The following KRT86 variants were observed in gnomAD, a reference collection of about 807,000 sequenced individuals.
KRT86 encodes the protein keratin 86.
KRT86 carries 30 observed loss-of-function variants against 41.2 expected under a neutral mutation model. The observed-to-expected ratio is 0.73, with a 90% CI of 0.54 to 0.99. The LOEUF (loss-of-function observed/expected upper bound fraction) is 0.99. Among genes scored for constraint, KRT86 ranks in the 50% least tolerant of loss-of-function variants. The pLI is 0.00. For missense variants in KRT86, 561 were observed against 571.4 expected (o/e 0.98, Z 0.19); for synonymous variants, 238 against 238.1 (o/e 1.00, Z 0.00).
Position 52,289,058 on chromosome 12 carries a change from GA to G in KRT86, c.-4-12854del, listed in dbSNP as rs1299869602. 2.8e-5 allele frequency among the ~76,000 whole-genome samples: 3 copies of G among 107,926 alleles called. No individual in the cohort carries two copies. In the East Asian group the frequency reaches 7.8e-4, roughly 28 times the overall value. 70.8% of individuals were successfully genotyped at this position (107,926 alleles called of 152,430 possible). A position where few individuals can be genotyped will look rare whatever the true frequency, so the allele number is the denominator to read the frequency against. On this transcript the variant is annotated intron_variant, in intron 2 of 10. Transcript: ENST00000423955. ...GTCATTGCCCTTTGTCAAGGCCCTG[GA>G]TGCTCAATACAAAGGCCTGCATCTG...
chr12:52,287,703 T>C (rs774124770), intron 2 of KRT86: 5 of 1,614,058 alleles, frequency 3.1e-6, no homozygotes. Context: ...CTGATCACCG[T>C]GGCCTTCATC....
Position 52,308,190 on chromosome 12 carries a change from C to A in KRT86, c.1248-43C>A, listed in dbSNP as rs199724643. On this transcript the variant is annotated intron_variant, in intron 9 of 10. Coordinates refer to ENST00000423955, the MANE Select transcript of KRT86 (RefSeq NM_001320198.2). ...CTCCACTTCAGTCACGGGGGCCCGG[C>A]GCCTTTTCCGCGGCACTGACCTCTC... is the stretch of plus-strand genomic sequence containing the variant. The A allele has an allele frequency of 6.2e-6, 10 of 1,613,832 alleles. No homozygotes were observed. In the Admixed American group the frequency reaches 1.3e-4, roughly 22 times the overall value.
chr12:52,294,292 T>C (rs1176350624), intron 2 of KRT86, among the ~76,000 whole-genome samples: 1 of 152,238 alleles, frequency 6.6e-6, no homozygotes, highest in Non-Finnish European at 1.5e-5. Flanking sequence ...AAAAACAACA[T>C]GTATAAACAC....
At chr12:52,288,597 T>A in intron 2 of KRT86, 1 of 1,054,232 alleles carries the variant, frequency 9.5e-7, no homozygotes. Flanking sequence ...CCTTCTGCCC[T>A]TCCTGGGATG....
intron 2 of KRT86, chr12:52,286,771 A>G (rs1376077135): frequency 1.9e-6 from 3 of 1,613,052 alleles, no homozygotes; most frequent in Admixed American, 3.3e-5. Flanking sequence ...ATCTGTCCAC[A>G]CTGGACCCCA....
chr12:52,298,313 G>A (rs1046773402), intron 2 of KRT86, among the ~76,000 whole-genome samples: 2 of 152,238 alleles, frequency 1.3e-5, no homozygotes, highest in East Asian at 1.9e-4. Flanking sequence ...GGCTCCCACT[G>A]TAGAATATAG....
chr12:52,305,888 C>G (rs1178640202), intron 8 of KRT86, 100 bp downstream of exon 8: 5 of 1,603,762 alleles, frequency 3.1e-6, no homozygotes, highest in Middle Eastern at 1.8e-4. Flanking sequence ...CATTCTCCAG[C>G]CCCTCTGTCC....
intron 2 of KRT86, among the ~76,000 whole-genome samples, chr12:52,284,264 C>A (rs749882697): frequency 6.6e-6 from 1 of 152,178 alleles, no homozygotes; most frequent in South Asian, 2.1e-4. Context: ...AAACATGGCT[C>A]ACTGTGCGGC....
intron 2 of KRT86, chr12:52,286,241 T>C: frequency 6.4e-7 from 1 of 1,551,664 alleles, no homozygotes; most frequent in Non-Finnish European, 8.7e-7. Flanking sequence ...GGCCTGGGAC[T>C]TGAGTTGGGG....
intron 2 of KRT86, chr12:52,278,987 G>A (rs1448488691): frequency 2.0e-5 from 3 of 152,452 alleles, no homozygotes; most frequent in African/African-American, 7.2e-5. Context: ...GTGGGGAGGA[G>A]GGTCTGTGTA....
In KRT86 at chr12:52,308,856, G is replaced by T; in HGVS notation, c.*271G>T. 4 of 478,026 alleles carry T rather than the reference G, an allele frequency of 8.4e-6. No homozygotes were observed. The highest frequency in any genetic ancestry group is 1.1e-5 in the Non-Finnish European group (3 of 262,716). 29.6% of individuals were successfully genotyped at this position (478,026 alleles called of 1,614,324 possible). On this transcript the variant is annotated 3_prime_UTR_variant, in exon 11 of 11. Coordinates refer to ENST00000423955, the MANE Select transcript of KRT86 (RefSeq NM_001320198.2). ...CATCTTTTTCTTCCGCCTGCCTTCT[G>T]TTTTTTTTGCTGTATACATTGGTCT...
In KRT86 at chr12:52,308,481, G is replaced by T; in HGVS notation, c.1357G>T (p.Val453Phe). 3 of 1,610,358 alleles carry T rather than the reference G, an allele frequency of 1.9e-6. No individual in the cohort carries two copies. Among genetic ancestry groups the T allele is most frequent in the Non-Finnish European group, 2.5e-6 (3 of 1,179,922 alleles). Residue 453 changes from valine to phenylalanine, a missense_variant, in exon 11 of 11, where the codon GTC becomes TTC. Val to Phe is a conservative substitution (Grantham distance 50). Coordinates refer to ENST00000423955, the MANE Select transcript of KRT86 (RefSeq NM_001320198.2). ...TACTGCCCCTGTTGTCTCCACCAGA[G>T]TCAGTAGCGTCCCCAGCAACAGCAA... is the stretch of plus-strand genomic sequence containing the variant. ...STTAPVVSTRVSSVPSNSNVV... is the reference protein window; with the variant it reads ...STTAPVVSTRFSSVPSNSNVV...
intron 2 of KRT86, among the ~76,000 whole-genome samples, chr12:52,297,253 G>A (rs984245712): frequency 6.6e-6 from 1 of 152,208 alleles, no homozygotes; most frequent in African/African-American, 2.4e-5. Context: ...GTCATTGCAT[G>A]CCTCAGTATC....
At chr12:52,275,339 C>T (rs1942542114) in intron 1 of KRT86, among the ~76,000 whole-genome samples, 1 of 152,156 alleles carries the variant, frequency 6.6e-6, no homozygotes, top group Non-Finnish European at 1.5e-5. Context: ...ATCACTGTCC[C>T]TGGTTTCTGA....
At chr12:52,291,234 T>G (rs1938107434) in intron 2 of KRT86, 1 of 1,494,762 alleles carries the variant, frequency 6.7e-7, no homozygotes, top group Non-Finnish European at 9.0e-7. Context: ...ACGGTGGTGA[T>G]GCATGGGGGA....
Position 52,282,438 on chromosome 12 carries a change from G to A in KRT86, c.-5+6492G>A, listed in dbSNP as rs578078147. On this transcript the variant is annotated intron_variant, in intron 2 of 10. Coordinates refer to ENST00000423955, the MANE Select transcript of KRT86 (RefSeq NM_001320198.2). ...TTTTTAGTAGAGACGATGTTTCTCT[G>A]TGTTAGCCAGGATGGTCTCGATCTT... is the stretch of plus-strand genomic sequence containing the variant. Among the ~76,000 whole-genome samples, 580 of 151,962 alleles carry A rather than the reference G, an allele frequency of 3.8e-3. 6 individuals are homozygous for A. Among genetic ancestry groups the A allele is most frequent in the African/African-American group, 0.014 (560 of 41,472 alleles).
intron 2 of KRT86, chr12:52,287,456 A>G: frequency 1.3e-6 from 2 of 1,576,542 alleles, no homozygotes; most frequent in African/African-American, 2.7e-5. Flanking sequence ...CCTGGGACTC[A>G]TTGAGAGACC....
At chr12:52,292,396 G>C (rs894267738) in intron 2 of KRT86, among the ~76,000 whole-genome samples, 3 of 152,168 alleles carry the variant, frequency 2.0e-5, no homozygotes, top group African/African-American at 7.2e-5. Flanking sequence ...TTTCCTAACT[G>C]TCCTAAGGAT....
chr12:52,302,080 G>C lies in KRT86; in HGVS notation c.164G>C (p.Arg55Pro). Residue 55 changes from arginine (R) to proline (P), a missense_variant, in exon 3 of 11, where the codon CGG becomes CCG. Coordinates refer to ENST00000423955, the MANE Select transcript of KRT86 (RefSeq NM_001320198.2). ...AGCCACAGCGTGTGCGGAGGCTTTC[G>C]GGCCGGCTCCTGCGGACGCAGCTTC... ...FGSHSVCGGF[R>P]AGSCGRSFGY... 1 of 1,593,650 alleles carries C rather than the reference G, an allele frequency of 6.3e-7. No individual in the cohort carries two copies. Among genetic ancestry groups the C allele is most frequent in the African/African-American group, 1.4e-5 (1 of 73,896 alleles).
Sources: allele counts gnomAD v4.1 joint callset (sites outside exome capture counted in the v4.1 genomes callset), GRCh38; gene constraint gnomAD v4.1.1; transcripts MANE v1.5; gene names NCBI Gene and HGNC (gene_info 2026-07-23, HGNC 2026-07-21).